SLC9A9: variants seen among roughly 807,000 people sequenced by gnomAD.
The protein encoded by SLC9A9 is solute carrier family 9 member A9, also known as sodium/hydrogen exchanger 9.
A neutral mutation model predicts 77.8 loss-of-function variants in SLC9A9; 62 were observed. That is an observed-to-expected ratio of 0.80 (90% CI 0.65 to 0.98). The LOEUF (loss-of-function observed/expected upper bound fraction) is 0.98, where lower values mean the gene tolerates loss of function less well. SLC9A9 is among the 50% of genes least tolerant of loss of function. SLC9A9 has a pLI of 0.00. For missense variants in SLC9A9, 775 were observed against 774.9 expected, an observed-to-expected ratio of 1.00 and a Z score of 0.00; for synonymous variants, 320 against 283.5, an observed-to-expected ratio of 1.13 and a Z score of -1.29.
At chr3:143,683,617 A>G (rs1301105833) in intron 5 of SLC9A9, among the ~76,000 whole-genome samples, 1 of 152,164 alleles carries the variant, frequency 6.6e-6, no homozygotes, top group Non-Finnish European at 1.5e-5. Context: ...CAGGTTGGAT[A>G]GTGCCGTCAC....
At position 143,438,772 on chromosome 3, in the gene SLC9A9, G is replaced by A. The variant is rs77153208; in HGVS notation, c.1469+28265C>T. ...TCAAGCCACATGGTTCTTGAGTGGG[G>A]AGTGGACCCGAGTTACCAGTGACTG... is the stretch of plus-strand genomic sequence containing the variant. On this transcript the variant is annotated intron_variant, in intron 12 of 15. Transcript: ENST00000316549. Among the ~76,000 whole-genome samples, 1,410 of 152,234 alleles carry A rather than the reference G, an allele frequency of 9.3e-3. 28 individuals carry two copies. The highest frequency in any genetic ancestry group is 0.033 in the African/African-American group (1,364 of 41,518).
chr3:143,498,794 G>T (rs1419440575), intron 9 of SLC9A9, among the ~76,000 whole-genome samples: 1 of 151,894 alleles, frequency 6.6e-6, no homozygotes, highest in East Asian at 1.9e-4. Context: ...TTGTTTTTCA[G>T]TTTTATATGA....
chr3:143,637,627 T>C (rs2038546682), intron 6 of SLC9A9, among the ~76,000 whole-genome samples: 1 of 152,214 alleles, frequency 6.6e-6, no homozygotes. Context: ...AAAGTTGATC[T>C]TATTTGCTTT....
chr3:143,836,976 T>C (rs1003573892), intron 1 of SLC9A9, among the ~76,000 whole-genome samples: 1 of 152,196 alleles, frequency 6.6e-6, no homozygotes, highest in Non-Finnish European at 1.5e-5. Flanking sequence ...CTGCATTTCA[T>C]AACCAATTTC....
chr3:143,671,391 C>T (rs1010314312), intron 5 of SLC9A9, among the ~76,000 whole-genome samples: 5 of 152,124 alleles, frequency 3.3e-5, no homozygotes, highest in African/African-American at 1.2e-4. Context: ...TCCTAGCTTC[C>T]ATACCTATAT....
intron 4 of SLC9A9, among the ~76,000 whole-genome samples, chr3:143,757,651 C>T (rs912729709): frequency 6.6e-6 from 1 of 152,110 alleles, no homozygotes; most frequent in Non-Finnish European, 1.5e-5. Flanking sequence ...ACATCTCAAA[C>T]GTGTGCCTGC....
intron 14 of SLC9A9, among the ~76,000 whole-genome samples, chr3:143,303,881 A>AAAAAGATG (rs2030651315): frequency 6.6e-6 from 1 of 152,230 alleles, no homozygotes; most frequent in Non-Finnish European, 1.5e-5. Context: ...TTGGTCCCCT[A>AAAAAGATG]AAAAGATGAC....
At chr3:143,406,065 G>C (rs1054348029) in intron 12 of SLC9A9, among the ~76,000 whole-genome samples, 1 of 152,278 alleles carries the variant, frequency 6.6e-6, no homozygotes, top group Admixed American at 6.5e-5. Flanking sequence ...TATTTTAAAA[G>C]CAATAATGTC....
chr3:143,533,339 A>C (rs1046724435), intron 9 of SLC9A9, among the ~76,000 whole-genome samples: 9 of 152,128 alleles, frequency 5.9e-5, no homozygotes, highest in Admixed American at 3.3e-4. Context: ...TACTTGCCTT[A>C]ATTCCCAGAT....
intron 4 of SLC9A9, among the ~76,000 whole-genome samples, chr3:143,694,054 A>G (rs1933557843): frequency 6.6e-6 from 1 of 152,112 alleles, no homozygotes; most frequent in Non-Finnish European, 1.5e-5. Flanking sequence ...AGATCCTAGT[A>G]GAGGAAATAG....
intron 12 of SLC9A9, among the ~76,000 whole-genome samples, chr3:143,464,243 G>A (rs1330705438): frequency 1.3e-5 from 2 of 152,266 alleles, no homozygotes; most frequent in East Asian, 1.9e-4. Flanking sequence ...CAAGAAAGTT[G>A]GTTAACGAGA....
intron 4 of SLC9A9, among the ~76,000 whole-genome samples, chr3:143,789,481 T>A (rs1336345113): frequency 6.6e-6 from 1 of 152,214 alleles, no homozygotes; most frequent in Non-Finnish European, 1.5e-5. Context: ...AACCCTGTTC[T>A]AAATCATTCT....
chr3:143,612,168 T>A (rs2038033782), intron 6 of SLC9A9, among the ~76,000 whole-genome samples: 1 of 152,240 alleles, frequency 6.6e-6, no homozygotes. Context: ...GCGTTGACCC[T>A]ATTCACCTGC....
chr3:143,282,166 C>G (rs1199922006), intron 14 of SLC9A9, among the ~76,000 whole-genome samples: 7 of 152,128 alleles, frequency 4.6e-5, no homozygotes, highest in Non-Finnish European at 8.8e-5. Flanking sequence ...TATTCAAGTA[C>G]AGTTCTCTTC....
chr3:143,432,868 C>T (rs2034547656), intron 12 of SLC9A9, among the ~76,000 whole-genome samples: 1 of 152,178 alleles, frequency 6.6e-6, no homozygotes, highest in African/African-American at 2.4e-5. Flanking sequence ...CCTCATGATC[C>T]CCCCACCTTG....
At chr3:143,472,192 T>C (rs2035388955) in intron 11 of SLC9A9, among the ~76,000 whole-genome samples, 1 of 152,234 alleles carries the variant, frequency 6.6e-6, no homozygotes, top group Admixed American at 6.5e-5. Flanking sequence ...ACAGTTTGGC[T>C]GCTCTGTTCC....
intron 9 of SLC9A9, among the ~76,000 whole-genome samples, chr3:143,543,647 T>C (rs1160337739): frequency 1.3e-5 from 2 of 152,126 alleles, no homozygotes; most frequent in Admixed American, 1.3e-4. Flanking sequence ...TGGTATTTGG[T>C]TTTCTGTTCC....
chr3:143,461,867 G>A (rs533330183), intron 12 of SLC9A9, among the ~76,000 whole-genome samples: 1 of 152,130 alleles, frequency 6.6e-6, no homozygotes, highest in Non-Finnish European at 1.5e-5. Context: ...AATCAAGGAA[G>A]TCTGTATGGA....
At chr3:143,650,716 GA>G (rs1421757841) in intron 6 of SLC9A9, among the ~76,000 whole-genome samples, 1 of 152,224 alleles carries the variant, frequency 6.6e-6, no homozygotes, top group Non-Finnish European at 1.5e-5. Flanking sequence ...CTCATTCCTA[GA>G]AAGGAAGAGC....
Sources: allele counts gnomAD v4.1 joint callset (sites outside exome capture counted in the v4.1 genomes callset), GRCh38; gene constraint gnomAD v4.1.1; transcripts MANE v1.5; gene names NCBI Gene and HGNC (gene_info 2026-07-23, HGNC 2026-07-21).